The following AGMO variants were observed in gnomAD, a reference collection of about 807,000 sequenced individuals.
The protein encoded by AGMO is alkylglycerol monooxygenase, also known as glyceryl-ether monooxygenase.
A neutral mutation model predicts 60.2 loss-of-function variants in AGMO; 75 were observed. The ratio of observed to expected loss-of-function variants is 1.25; its 90% confidence interval spans 1.03 to 1.51. AGMO has a LOEUF of 1.51. Among genes scored for constraint, AGMO ranks in the 40% most tolerant of loss-of-function variants. AGMO has a pLI of 0.00. For missense variants in AGMO, 763 were observed against 525.5 expected, an observed-to-expected ratio of 1.45 and a Z score of -4.42; for synonymous variants, 261 against 177.1, an observed-to-expected ratio of 1.47 and a Z score of -3.76.
intron 12 of AGMO, among the ~76,000 whole-genome samples, chr7:15,351,845 CATT>C (rs1292583761): frequency 6.6e-6 from 1 of 152,046 alleles, no homozygotes; most frequent in Non-Finnish European, 1.5e-5. Flanking sequence ...TTAAATGAAT[CATT>C]GAGAAAGTGT....
At chr7:15,377,489 T>C (rs761436243) in intron 10 of AGMO, among the ~76,000 whole-genome samples, 1 of 152,188 alleles carries the variant, frequency 6.6e-6, no homozygotes, top group East Asian at 1.9e-4. Context: ...CACTCACTCA[T>C]GCCCAGGCAT....
the AGMO span, among the ~76,000 whole-genome samples, chr7:15,162,640 G>C: frequency 2.0e-5 from 3 of 152,128 alleles, no homozygotes; most frequent in Non-Finnish European, 4.4e-5. Flanking sequence ...GCTACATTGA[G>C]CTGTAATAGC....
intron 6 of AGMO, among the ~76,000 whole-genome samples, chr7:15,393,777 CAAG>C (rs1446796038): frequency 2.6e-5 from 4 of 152,150 alleles, no homozygotes; most frequent in African/African-American, 7.2e-5. Flanking sequence ...AGCACTGGGT[CAAG>C]AAGTAGCCTT....
chr7:15,441,676 G>A (rs911573300), intron 3 of AGMO, among the ~76,000 whole-genome samples: 5 of 152,086 alleles, frequency 3.3e-5, no homozygotes, highest in Non-Finnish European at 5.9e-5. Flanking sequence ...GTTTGCCTGC[G>A]GTAAGACACA....
chr7:15,442,736 C>CA (rs976830565), intron 3 of AGMO, among the ~76,000 whole-genome samples: 1 of 152,024 alleles, frequency 6.6e-6, no homozygotes, highest in Non-Finnish European at 1.5e-5. Context: ...CCTTCATGCC[C>CA]AAATGTTGCA....
At chr7:15,292,342 A>G (rs971949799) in intron 12 of AGMO, among the ~76,000 whole-genome samples, 2 of 152,160 alleles carry the variant, frequency 1.3e-5, no homozygotes, top group Non-Finnish European at 2.9e-5. Flanking sequence ...TGGTGATTCT[A>G]ATGTGCAGCC....
chr7:15,261,533 A>C (rs1783270965), intron 12 of AGMO, among the ~76,000 whole-genome samples: 1 of 152,068 alleles, frequency 6.6e-6, no homozygotes, highest in Non-Finnish European at 1.5e-5. Flanking sequence ...ACACAAAAAA[A>C]GTCCAGGACC....
At chr7:15,459,372 A>G (rs1230695927) in intron 3 of AGMO, among the ~76,000 whole-genome samples, 3 of 152,152 alleles carry the variant, frequency 2.0e-5, no homozygotes, top group Non-Finnish European at 4.4e-5. Flanking sequence ...CAGGAGATCC[A>G]GAGAGTTCTC....
chr7:15,207,109 C>T (rs1008036607), intron 12 of AGMO, among the ~76,000 whole-genome samples: 7 of 152,312 alleles, frequency 4.6e-5, no homozygotes, highest in African/African-American at 1.7e-4. Context: ...TTTCAACTAT[C>T]ACGATAACAT....
chr7:15,400,142 C>T (rs1784515270), intron 5 of AGMO, among the ~76,000 whole-genome samples: 1 of 152,178 alleles, frequency 6.6e-6, no homozygotes, highest in Admixed American at 6.5e-5. Context: ...CTGTGTCTCT[C>T]AGGTCACATA....
chr7:15,506,666 T>G (rs1413524123), intron 3 of AGMO, among the ~76,000 whole-genome samples: 6 of 152,052 alleles, frequency 3.9e-5, no homozygotes, highest in African/African-American at 1.4e-4. Context: ...AATAGTCTTC[T>G]TCATCTGCAT....
rs1331095028 is a variant in AGMO, at chr7:15,366,157, T to A, written c.1140A>T (p.Gly380=). 7 of 1,607,648 alleles carry A rather than the reference T, an allele frequency of 4.4e-6. No homozygotes were observed. The highest frequency in any genetic ancestry group is 6.0e-6 in the Non-Finnish European group (7 of 1,176,410). The change falls in exon 11 of 13, where the codon GGA becomes GGT. Residue 380 remains glycine (G), a synonymous_variant. Coordinates refer to ENST00000342526, the MANE Select transcript of AGMO (RefSeq NM_001004320.2). ...CFIILTLTSI[G]FLLDQRPKAA... ...CTTCTTGCCTTTGATCCAGAAGAAATCCAATGGAAGTCAAGGTCAGGATAA... is the reference window on the plus strand; with the variant it reads ...CTTCTTGCCTTTGATCCAGAAGAAAACCAATGGAAGTCAAGGTCAGGATAA...
chr7:15,422,966 C>A (rs1042326382), intron 4 of AGMO, among the ~76,000 whole-genome samples: 4 of 152,076 alleles, frequency 2.6e-5, no homozygotes, highest in Admixed American at 6.6e-5. Context: ...CAATGACAAA[C>A]AGAAAATGTA....
At chr7:15,410,516 C>T (rs926017480) in intron 5 of AGMO, among the ~76,000 whole-genome samples, 1 of 151,648 alleles carries the variant, frequency 6.6e-6, no homozygotes, top group Admixed American at 6.6e-5. Context: ...AATTTGATTG[C>T]ATTTATTCAT....
chr7:15,368,357 T>C (rs115961492), intron 10 of AGMO, among the ~76,000 whole-genome samples: 1,897 of 151,908 alleles, frequency 0.012, 48 homozygotes, highest in African/African-American at 0.044. Context: ...TTGATTAAAA[T>C]GGCATCTCTC....
intron 12 of AGMO, among the ~76,000 whole-genome samples, chr7:15,288,177 C>A (rs1436560800): frequency 2.0e-5 from 3 of 151,946 alleles, no homozygotes; most frequent in South Asian, 4.1e-4. Context: ...GCGCCCAGCA[C>A]CACGCCCGGC....
intron 12 of AGMO, among the ~76,000 whole-genome samples, chr7:15,307,752 CACAA>C (rs1166084193): frequency 6.6e-6 from 1 of 152,008 alleles, no homozygotes; most frequent in East Asian, 1.9e-4. Context: ...TAAACATGCC[CACAA>C]ACAAACTCAG....
At chr7:15,405,755 A>G (rs1031304052) in intron 5 of AGMO, among the ~76,000 whole-genome samples, 1 of 151,912 alleles carries the variant, frequency 6.6e-6, no homozygotes, top group African/African-American at 2.4e-5. Context: ...CAGAGAGTCT[A>G]AGTAAGTTTA....
intron 12 of AGMO, among the ~76,000 whole-genome samples, chr7:15,299,457 G>C (rs1784496206): frequency 6.6e-6 from 1 of 152,116 alleles, no homozygotes; most frequent in Non-Finnish European, 1.5e-5. Flanking sequence ...CCTAATCTAT[G>C]AGTACTAAGG....
Sources: gnomAD v4.1 joint callset for allele counts (sites outside exome capture counted in the v4.1 genomes callset) on GRCh38, gnomAD v4.1.1 for gene constraint, MANE v1.5 for transcripts, NCBI Gene and HGNC (gene_info 2026-07-23, HGNC 2026-07-21) for gene names.